The following CADPS variants were observed in gnomAD, a reference collection of about 807,000 sequenced individuals.
The protein encoded by CADPS is calcium-dependent secretion activator 1.
Under a neutral mutation model 167.3 loss-of-function variants are expected in CADPS, and 57 were observed. The observed-to-expected ratio is 0.34, with a 90% CI of 0.28 to 0.42. CADPS has a LOEUF of 0.42. Among genes scored for constraint, CADPS ranks in the 20% least tolerant of loss-of-function variants. The pLI, the probability that CADPS is intolerant of heterozygous loss-of-function variation, is 1.00. For synonymous variants in CADPS, 676 were observed against 635.3 expected (o/e 1.06, Z -0.96); for missense variants, 1,414 against 1,738.1 (o/e 0.81, Z 3.32).
intron 1 of CADPS, among the ~76,000 whole-genome samples, chr3:62,768,859 G>A (rs919070375): frequency 2.0e-5 from 3 of 152,102 alleles, no homozygotes; most frequent in Non-Finnish European, 4.4e-5. Context: ...AACACACACC[G>A]CAAAGCCACA....
At chr3:62,845,954 G>T (rs1484663313) in intron 1 of CADPS, among the ~76,000 whole-genome samples, 1 of 152,116 alleles carries the variant, frequency 6.6e-6, no homozygotes, top group African/African-American at 2.4e-5. Context: ...CCTAGTGGGA[G>T]GTGATTGGTT....
chr3:62,536,379 T>A (rs2074691304), intron 12 of CADPS, 66 bp downstream of exon 12: 4 of 1,366,498 alleles, frequency 2.9e-6, no homozygotes, highest in Non-Finnish European at 1.0e-6. Context: ...GACATAAAGG[T>A]AGAGAAATAT....
rs1326447541 is a variant in CADPS at position 62,601,873 on chromosome 3, G to A, written c.1326-9125C>T. The stretch of plus-strand genomic sequence containing the variant: ...ATCTGGGGGAGAAAATGAGGGAGAA[G>A]AATATGCTTTTGGGAGAGTGGAGCT... On this transcript the variant is annotated intron_variant, in intron 6 of 29. Coordinates refer to ENST00000383710, the MANE Select transcript of CADPS (RefSeq NM_003716.4). The surrounding 1 kb of genome is among the most constrained non-coding windows in gnomAD (Gnocchi z 4.3). 6.6e-6 allele frequency among the ~76,000 whole-genome samples: 1 copy of A among 152,152 alleles called. No homozygotes were observed. The highest frequency in any genetic ancestry group is 1.5e-5 in the Non-Finnish European group (1 of 68,026).
intron 28 of CADPS, among the ~76,000 whole-genome samples, chr3:62,431,976 T>C (rs899290813): frequency 1.3e-5 from 2 of 152,096 alleles, no homozygotes; most frequent in African/African-American, 4.8e-5. Flanking sequence ...CCATATTTTC[T>C]AAATGTCTAC....
chr3:62,672,105 T>G (rs2075634574), intron 3 of CADPS, among the ~76,000 whole-genome samples: 1 of 151,950 alleles, frequency 6.6e-6, no homozygotes, highest in Non-Finnish European at 1.5e-5. Context: ...CTCCGAGTGA[T>G]TCCAACGTGC....
intron 3 of CADPS, among the ~76,000 whole-genome samples, chr3:62,752,180 C>T (rs1007629949): frequency 3.3e-5 from 5 of 151,992 alleles, no homozygotes; most frequent in African/African-American, 7.2e-5. Flanking sequence ...TGGAGGCTAA[C>T]GCCACCTGCT....
At chr3:62,696,317 T>G (rs1298441952) in intron 3 of CADPS, among the ~76,000 whole-genome samples, 1 of 152,148 alleles carries the variant, frequency 6.6e-6, no homozygotes, top group Non-Finnish European at 1.5e-5. Flanking sequence ...TTTACATTCC[T>G]GCAAACCCCC....
intron 1 of CADPS, among the ~76,000 whole-genome samples, chr3:62,867,454 T>C (rs907374021): frequency 5.3e-5 from 8 of 152,092 alleles, no homozygotes; most frequent in African/African-American, 1.9e-4. Flanking sequence ...AAGTGAGCTT[T>C]TGAAGCCAGA....
chr3:62,556,582 G>A (rs2078180432), intron 10 of CADPS, among the ~76,000 whole-genome samples: 1 of 152,136 alleles, frequency 6.6e-6, no homozygotes, highest in Non-Finnish European at 1.5e-5. Context: ...AACTTCTCCG[G>A]GAGAGGGCTG....
At chr3:62,466,233 A>C in intron 25 of CADPS, 106 bp downstream of exon 25, 1 of 723,822 alleles carries the variant, frequency 1.4e-6, no homozygotes, top group Non-Finnish European at 2.4e-6. Flanking sequence ...TTCCTGAGAG[A>C]CACAAGTATC....
In CADPS at chr3:62,774,525, T is replaced by C. The variant is rs188227195; in HGVS notation, c.442-8541A>G. 4.6e-5 allele frequency among the ~76,000 whole-genome samples: 7 copies of C among 152,346 alleles called. No homozygotes were observed. The East Asian group carries it at 1.4e-3, about 29-fold the overall frequency. On this transcript the variant is annotated intron_variant, in intron 1 of 29. Coordinates refer to ENST00000383710, the MANE Select transcript of CADPS (RefSeq NM_003716.4). ...AATCACTGAGGACTGCAAGGAGGTT[T>C]TGTTTATGTAAGTTGTTTTACAGCT...
At chr3:62,656,121 A>G (rs1382353553) in intron 4 of CADPS, among the ~76,000 whole-genome samples, 1 of 152,200 alleles carries the variant, frequency 6.6e-6, no homozygotes, top group African/African-American at 2.4e-5. Flanking sequence ...ATTATTGTGA[A>G]AAGTAGAGAT....
intron 8 of CADPS, among the ~76,000 whole-genome samples, chr3:62,579,222 A>G (rs1269209279): frequency 1.3e-5 from 2 of 152,336 alleles, no homozygotes; most frequent in South Asian, 2.1e-4. Context: ...ATCGAAAGCA[A>G]TAACTGTGGA....
intron 21 of CADPS, among the ~76,000 whole-genome samples, chr3:62,483,131 C>A (rs2062257972): frequency 6.6e-6 from 1 of 151,860 alleles, no homozygotes; most frequent in South Asian, 2.1e-4. Flanking sequence ...TGAGAGGAGC[C>A]TTCCTGTTTA....
At chr3:62,688,708 G>T (rs2078545173) in intron 3 of CADPS, among the ~76,000 whole-genome samples, 1 of 152,072 alleles carries the variant, frequency 6.6e-6, no homozygotes, top group Non-Finnish European at 1.5e-5. Context: ...ATAAGGAAAT[G>T]TTCAAGTTTT....
Position 62,438,311 on chromosome 3 carries a change from G to C in CADPS, c.3670-100C>G. 3 of 803,818 alleles carry C rather than the reference G, an allele frequency of 3.7e-6. No homozygotes were observed. The highest frequency in any genetic ancestry group is 4.2e-6 in the Non-Finnish European group (2 of 476,738). 49.8% of individuals were successfully genotyped at this position (803,818 alleles called of 1,614,324 possible). ...CTCTACTTGCCCTCACACACCCTGA[G>C]ATGCTTCTGCTGGATCAGCTTTGTA... On this transcript the variant is annotated intron_variant, in intron 27 of 29. Coordinates refer to ENST00000383710, the MANE Select transcript of CADPS (RefSeq NM_003716.4). The surrounding 1 kb of genome is among the most constrained non-coding windows in gnomAD (Gnocchi z 4.7).
rs1434473379 is a variant in CADPS at position 62,399,499 on chromosome 3, A to G, written c.3969T>C (p.Thr1323=). The G allele has an allele frequency of 6.2e-7, 1 of 1,614,160 alleles. No homozygotes were observed. The highest frequency in any genetic ancestry group is 2.2e-5 in the East Asian group (1 of 44,880). The change falls in exon 30 of 30, where the codon ACT becomes ACC. Residue 1323 remains threonine, a synonymous_variant. Transcript: ENST00000383710. The surrounding 1 kb of genome is among the most constrained non-coding windows in gnomAD (Gnocchi z 5.6). The part of the protein sequence containing the change: ...KTYETIRNRL[T]VEEATASVSE... ...TCACTGATGCTGTGGCTTCCTCCAC[A>G]GTGAGACGGTTCCGGATCGTTTCAT...
At chr3:62,698,657 T>C (rs993457146) in intron 3 of CADPS, among the ~76,000 whole-genome samples, 1 of 151,468 alleles carries the variant, frequency 6.6e-6, no homozygotes, top group Non-Finnish European at 1.5e-5. Flanking sequence ...CTTCTCTTTC[T>C]TATTCTTTTC....
At chr3:62,685,652 A>G (rs2151136027) in intron 3 of CADPS, among the ~76,000 whole-genome samples, 1 of 129,370 alleles carries the variant, frequency 7.7e-6, no homozygotes, top group East Asian at 2.5e-4. Context: ...GGCACCAGGG[A>G]CCAAACTTCG....
Sources: gnomAD v4.1 joint callset for allele counts (sites outside exome capture counted in the v4.1 genomes callset) on GRCh38, gnomAD v4.1.1 for gene constraint, Gnocchi (gnomAD v3.1) non-coding constraint, MANE v1.5 for transcripts, NCBI Gene and HGNC (gene_info 2026-07-23, HGNC 2026-07-21) for gene names.